The following HEATR5B variants were observed in gnomAD, a reference collection of about 807,000 sequenced individuals.
HEATR5B encodes HEAT repeat-containing protein 5B.
A neutral mutation model predicts 224.1 loss-of-function variants in HEATR5B; 156 were observed. That is an observed-to-expected ratio of 0.70 (90% confidence interval 0.61 to 0.80). The LOEUF (loss-of-function observed/expected upper bound fraction) is 0.80, where lower values mean the gene tolerates loss of function less well. Ranked by LOEUF, HEATR5B falls within the 30% of genes least tolerant of loss-of-function variation. The pLI is 0.00. For synonymous variants in HEATR5B, 1,027 were observed against 893.0 expected, an observed-to-expected ratio of 1.15 and a Z score of -2.68; for missense variants, 2,323 against 2,535.5, an observed-to-expected ratio of 0.92 and a Z score of 1.80.
chr2:37,073,130 A>G (rs1672008483), intron 5 of HEATR5B, among the ~76,000 whole-genome samples: 1 of 152,210 alleles, frequency 6.6e-6, no homozygotes, highest in African/African-American at 2.4e-5. Context: ...CTGAAACCTG[A>G]CAAAGACACT....
chr2:37,009,737 C>T (rs1219101458), intron 27 of HEATR5B, among the ~76,000 whole-genome samples: 1 of 151,090 alleles, frequency 6.6e-6, no homozygotes, highest in African/African-American at 2.4e-5. Context: ...AGAGTTTTTT[C>T]TGGCTTCCCT....
Position 37,065,785 on chromosome 2 carries a change from C to A in HEATR5B, c.1303G>T (p.Ala435Ser), listed in dbSNP as rs1348780312. ...GSLVQSLNAT[A>S]SPLIQEASIG... ...GATGCTTCTTGAATAAGAGGGGATG[C>A]GGTGGCATTCAAGCTCTGCACCAGG... The change falls in exon 9 of 36, where the codon GCA becomes TCA. Residue 435 changes from alanine (A) to serine (S), a missense_variant. Ala to Ser is a moderately conservative substitution (Grantham distance 99). This residue lies in a region of HEATR5B where 502 missense variants were observed against 517.8 expected (regional missense o/e 0.97). Coordinates refer to ENST00000233099, the MANE Select transcript of HEATR5B (RefSeq NM_019024.3). 1 of 1,613,484 alleles carries A rather than the reference C, an allele frequency of 6.2e-7. No individual in the cohort carries two copies. The highest frequency in any genetic ancestry group is 1.3e-5 in the African/African-American group (1 of 75,022).
intron 24 of HEATR5B, among the ~76,000 whole-genome samples, chr2:37,023,835 G>A (rs1251485767): frequency 1.3e-5 from 2 of 151,964 alleles, no homozygotes; most frequent in African/African-American, 4.8e-5. Flanking sequence ...TTGTGGGTGG[G>A]AGGCAAGCAG....
At position 37,053,422 on chromosome 2, in the gene HEATR5B, T is replaced by C. The variant is rs1219348452; in HGVS notation, c.2505+80A>G. On this transcript the variant is annotated intron_variant, in intron 17 of 35. Transcript: ENST00000233099. ...CCAAGTGATTTACATATAAACATTA[T>C]AATAATCTTGCTATGTCTGGCTTAT... 20 of 689,684 alleles carry C rather than the reference T, an allele frequency of 2.9e-5. No homozygotes were observed. The South Asian group carries it at 4.1e-4, about 14-fold the overall frequency. The allele number at this position is 689,684 out of a possible 1,614,324, so 42.7% of individuals were successfully genotyped here.
At chr2:37,008,104 C>T (rs988137553) in intron 28 of HEATR5B, 2 of 160,288 alleles carry the variant, frequency 1.2e-5, no homozygotes, top group African/African-American at 4.8e-5. Flanking sequence ...TTATTCTTAT[C>T]ATTAATATAT....
In HEATR5B at chr2:37,049,711, C is replaced by G; in HGVS notation, c.2638G>C (p.Ala880Pro). The G allele has an allele frequency of 6.2e-7, 1 of 1,614,056 alleles. No individual in the cohort carries two copies. Residue 880 changes from alanine to proline, a missense_variant, in exon 18 of 36, where the codon GCT becomes CCT. Ala to Pro is a conservative substitution (Grantham distance 27, BLOSUM62 -1). Around this residue, in one of 12 missense-constraint regions of HEATR5B, gnomAD observed 170 missense variants for 216.7 expected, o/e 0.78. Transcript: ENST00000233099. ...CAAGEALGRM[A>P]QVVGEATFIA... is the part of the protein sequence containing the mutation. ...AAAGTTGCTTCTCCAACCACCTGAGCCATTCTTCCAAGAGCTTCCCCCGCT... is the reference window on the plus strand; with the variant it reads ...AAAGTTGCTTCTCCAACCACCTGAGGCATTCTTCCAAGAGCTTCCCCCGCT...
chr2:37,060,761 C>T lies in HEATR5B; in HGVS notation c.1697-28G>A, dbSNP rs759778280. 5.6e-6 allele frequency: 9 copies of T among 1,601,792 alleles called. No individual in the cohort carries two copies. In the Admixed American group the frequency reaches 1.5e-4, roughly 27 times the overall value. On this transcript the variant is annotated intron_variant, in intron 11 of 35. Transcript: ENST00000233099. ...AGCCAAGAAAATGAGAATACAAAAC[C>T]ATGTATATGTAACATACCTTACAAA...
intron 24 of HEATR5B, among the ~76,000 whole-genome samples, chr2:37,023,304 C>T (rs1668577357): frequency 6.6e-6 from 1 of 152,150 alleles, no homozygotes; most frequent in African/African-American, 2.4e-5. Flanking sequence ...GGCTTCAAAA[C>T]CCACAAAGTC....
intron 22 of HEATR5B, among the ~76,000 whole-genome samples, chr2:37,030,097 G>C (rs1299682680): frequency 6.6e-6 from 1 of 152,044 alleles, no homozygotes; most frequent in Non-Finnish European, 1.5e-5. Flanking sequence ...TATATAACTG[G>C]TGGCTTTAAG....
In HEATR5B at chr2:37,037,147, T is replaced by TGG. The variant is rs1669540604; in HGVS notation, c.3216+707_3216+708insCC. 1.2e-4 allele frequency among the ~76,000 whole-genome samples: 14 copies of TGG among 112,244 alleles called. 4 individuals carry two copies. The East Asian group carries it at 2.3e-3, about 18-fold the overall frequency. 73.6% of individuals were successfully genotyped at this position (112,244 alleles called of 152,430 possible). A position where few individuals can be genotyped will look rare whatever the true frequency, so the allele number is the denominator to read the frequency against. ...CCGAGTAGGAAAACTAAAAATGTGA[T>TGG]ATATATATATATTTTGGAGATGGAG... On this transcript the variant is annotated intron_variant, in intron 21 of 35. Coordinates refer to ENST00000233099, the MANE Select transcript of HEATR5B (RefSeq NM_019024.3).
rs1282760791 is a variant in HEATR5B at position 37,002,550 on chromosome 2, C to T, written c.5073G>A (p.Glu1691=). ...CTCCTTCTCCCAATACGGTACAGGC[C>T]TCTTTTTCCATATCATCTTCATCTG... ...NTLNEDDMEK[E]ACTVLGEGGD... The change falls in exon 32 of 36, where the codon GAG becomes GAA. Residue 1691 remains glutamate, a synonymous_variant. Transcript: ENST00000233099. 1.1e-5 allele frequency: 18 copies of T among 1,613,908 alleles called. No homozygotes were observed.
chr2:36,983,478 G>C (rs1243592420), intron 35 of HEATR5B, among the ~76,000 whole-genome samples: 2 of 151,898 alleles, frequency 1.3e-5, no homozygotes, highest in Non-Finnish European at 2.9e-5. Context: ...GGCGGAGGTT[G>C]TGGTGAGCCG....
At chr2:36,989,701 G>A (rs908768609) in intron 34 of HEATR5B, among the ~76,000 whole-genome samples, 1 of 152,000 alleles carries the variant, frequency 6.6e-6, no homozygotes, top group Non-Finnish European at 1.5e-5. Context: ...AAGGAAAGAA[G>A]GAAGAGAGGG....
chr2:36,991,306 C>G (rs1666311224), intron 33 of HEATR5B, among the ~76,000 whole-genome samples: 2 of 151,404 alleles, frequency 1.3e-5, no homozygotes, highest in East Asian at 1.9e-4. Context: ...GCAGGCGGAC[C>G]ACCTGAGGTT....
intron 29 of HEATR5B, 69 bp downstream of exon 29, chr2:37,006,981 A>T: frequency 6.7e-7 from 1 of 1,487,896 alleles, no homozygotes. Flanking sequence ...ATCTTTCCAT[A>T]GCTTTAAAAT....
intron 18 of HEATR5B, among the ~76,000 whole-genome samples, chr2:37,042,871 G>A (rs999451222): frequency 7.0e-6 from 1 of 142,034 alleles, no homozygotes. Context: ...CAGCCTGGGC[G>A]ACAGTGAGAC....
At chr2:37,004,213 G>A (rs1667269832) in intron 30 of HEATR5B, among the ~76,000 whole-genome samples, 2 of 151,930 alleles carry the variant, frequency 1.3e-5, no homozygotes, top group Non-Finnish European at 2.9e-5. Flanking sequence ...AGACTTAACT[G>A]CAACCAAAGC....
intron 25 of HEATR5B, 90 bp from the exon 26 acceptor site, chr2:37,019,967 G>A (rs923228824): frequency 3.9e-5 from 33 of 856,006 alleles, no homozygotes; most frequent in African/African-American, 3.3e-4. Context: ...GCAGTGGTGC[G>A]ATCTCGGCTC....
chr2:37,029,495 C>T (rs1007678379), intron 22 of HEATR5B, among the ~76,000 whole-genome samples: 9 of 152,200 alleles, frequency 5.9e-5, no homozygotes, highest in Middle Eastern at 3.4e-3. Flanking sequence ...GAAACCCCGT[C>T]TCTACTAAAA....
Sources: gnomAD v4.1 joint callset for allele counts (sites outside exome capture counted in the v4.1 genomes callset) on GRCh38, gnomAD v4.1.1 for gene constraint, gnomAD v4.1.1 regional missense constraint, MANE v1.5 for transcripts, NCBI Gene and HGNC (gene_info 2026-07-23, HGNC 2026-07-21) for gene names.